ARNT2: variants seen among roughly 807,000 people sequenced by gnomAD.
The protein encoded by ARNT2 is aryl hydrocarbon receptor nuclear translocator 2.
In ARNT2, 36 loss-of-function variants were observed where a neutral mutation model predicts 91.7. That is an observed-to-expected ratio of 0.39 (90% CI 0.30 to 0.52). ARNT2 has a LOEUF of 0.52. Ranked by LOEUF, ARNT2 falls within the 20% of genes least tolerant of loss-of-function variation. The probability of loss-of-function intolerance (pLI) is 0.72; values close to 1 mark genes in which losing one functional copy is unlikely to be tolerated. For missense variants in ARNT2, 775 were observed against 939.3 expected (o/e 0.83, Z 2.29); for synonymous variants, 365 against 347.1 (o/e 1.05, Z -0.57).
intron 8 of ARNT2, among the ~76,000 whole-genome samples, chr15:80,529,722 C>T (rs1897704744): frequency 6.6e-6 from 1 of 152,138 alleles, no homozygotes; most frequent in African/African-American, 2.4e-5. Context: ...CAGTTGCTCT[C>T]TTCACTTTAG....
At chr15:80,555,283 A>C (rs1898159877) in intron 11 of ARNT2, 144 bp downstream of exon 11, 6 of 738,116 alleles carry the variant, frequency 8.1e-6, no homozygotes, top group Non-Finnish European at 1.4e-5. Flanking sequence ...CTAGGAAGTC[A>C]CTCACAGTCT....
chr15:80,433,983 A>T (rs8034763), intron 1 of ARNT2: 17,228 of 152,256 alleles, frequency 0.11, 1,093 homozygotes, highest in Middle Eastern at 0.17. Context: ...ATGAGGCAGG[A>T]CCCTCTCTGG....
chr15:80,484,989 A>G (rs1406153848), intron 5 of ARNT2, among the ~76,000 whole-genome samples: 1 of 152,228 alleles, frequency 6.6e-6, no homozygotes. Context: ...CGCATCTCCT[A>G]CAAAACTGCT....
intron 5 of ARNT2, among the ~76,000 whole-genome samples, chr15:80,489,512 G>A (rs1413977834): frequency 6.6e-6 from 1 of 152,198 alleles, no homozygotes; most frequent in Non-Finnish European, 1.5e-5. Context: ...ACCTTGAGCT[G>A]AGCGCACACG....
chr15:80,493,883 G>A (rs1897089401), intron 5 of ARNT2, among the ~76,000 whole-genome samples: 1 of 152,158 alleles, frequency 6.6e-6, no homozygotes, highest in African/African-American at 2.4e-5. Context: ...AAATGAGTAA[G>A]TTCTCACTCT....
chr15:80,452,211 G>A (rs1425638507), intron 2 of ARNT2, among the ~76,000 whole-genome samples: 1 of 152,016 alleles, frequency 6.6e-6, no homozygotes, highest in Non-Finnish European at 1.5e-5. Context: ...TGAGGGAGAG[G>A]GTTAAAAAGC....
At chr15:80,541,601 A>T (rs959934891) in intron 8 of ARNT2, among the ~76,000 whole-genome samples, 1 of 152,182 alleles carries the variant, frequency 6.6e-6, no homozygotes, top group African/African-American at 2.4e-5. Flanking sequence ...ATTTTCTTCT[A>T]GGTCTTACAT....
intron 1 of ARNT2, among the ~76,000 whole-genome samples, chr15:80,419,450 G>C (rs1481562373): frequency 6.6e-6 from 1 of 152,220 alleles, no homozygotes; most frequent in Non-Finnish European, 1.5e-5. Context: ...ACACGGATTT[G>C]CCTGATCCCA....
intron 5 of ARNT2, among the ~76,000 whole-genome samples, chr15:80,499,425 A>G (rs958292638): frequency 2.0e-5 from 3 of 152,232 alleles, no homozygotes; most frequent in Non-Finnish European, 4.4e-5. Context: ...GCCACAGAAC[A>G]TTGTATTAGC....
chr15:80,516,340 T>G lies in ARNT2; in HGVS notation c.877+1935T>G, dbSNP rs115275674. ...TTTTCCTGTTTCTCCTTGTAGGTCT[T>G]TTTTTGCGTCACGTATTTTGATGCT... is the stretch of plus-strand genomic sequence containing the variant. On this transcript the variant is annotated intron_variant, in intron 8 of 18. Coordinates refer to ENST00000303329, the MANE Select transcript of ARNT2 (RefSeq NM_014862.4). Among the ~76,000 whole-genome samples the G allele has an allele frequency of 3.7e-3, 567 of 152,296 alleles. 9 individuals are homozygous for G. Among genetic ancestry groups the G allele is most frequent in the African/African-American group, 0.013 (531 of 41,562 alleles).
intron 5 of ARNT2, among the ~76,000 whole-genome samples, chr15:80,500,220 T>TCAAC (rs1448985614): frequency 6.6e-6 from 1 of 152,084 alleles, no homozygotes; most frequent in East Asian, 1.9e-4. Flanking sequence ...ATAACTGGGG[T>TCAAC]CAACCTTTTG....
intron 1 of ARNT2, among the ~76,000 whole-genome samples, chr15:80,416,193 G>C (rs1895783079): frequency 6.6e-6 from 1 of 152,198 alleles, no homozygotes; most frequent in Admixed American, 6.5e-5. Flanking sequence ...CTTATTTCAA[G>C]TTTACAGACA....
chr15:80,585,355 G>A (rs996625860), intron 17 of ARNT2, among the ~76,000 whole-genome samples: 1 of 152,200 alleles, frequency 6.6e-6, no homozygotes, highest in Non-Finnish European at 1.5e-5. Context: ...CCAGTCAGGA[G>A]ACAGAAACCA....
chr15:80,514,876 A>AC (rs1566991173), intron 8 of ARNT2, among the ~76,000 whole-genome samples: 1 of 152,156 alleles, frequency 6.6e-6, no homozygotes, highest in East Asian at 1.9e-4. Context: ...ACACAGCAAG[A>AC]CCCCATCTCA....
chr15:80,405,815 G>A (rs1895592031), intron 1 of ARNT2, among the ~76,000 whole-genome samples: 1 of 151,842 alleles, frequency 6.6e-6, no homozygotes, highest in African/African-American at 2.4e-5. Flanking sequence ...TGAGGAGTAT[G>A]GACTTTCTCT....
intron 8 of ARNT2, among the ~76,000 whole-genome samples, chr15:80,543,326 T>A (rs1013573773): frequency 6.6e-5 from 10 of 152,138 alleles, no homozygotes; most frequent in Admixed American, 6.5e-4. Flanking sequence ...AGAGATTAGA[T>A]CACTCTAACA....
chr15:80,548,387 G>T (rs74027837), intron 8 of ARNT2, among the ~76,000 whole-genome samples: 1,797 of 152,188 alleles, frequency 0.012, 38 homozygotes, highest in African/African-American at 0.042. Flanking sequence ...AGGCAATAAT[G>T]CCCACTATCT....
chr15:80,412,406 AT>A (rs1895695776), intron 1 of ARNT2, among the ~76,000 whole-genome samples: 1 of 152,230 alleles, frequency 6.6e-6, no homozygotes, highest in Non-Finnish European at 1.5e-5. Context: ...ATTGTAAAAA[AT>A]TTGGAAAATG....
chr15:80,433,186 G>A lies in ARNT2; in HGVS notation c.32-17694G>A, dbSNP rs918616696. On this transcript the variant is annotated intron_variant, in intron 1 of 18. Coordinates refer to ENST00000303329, the MANE Select transcript of ARNT2 (RefSeq NM_014862.4). ...TTAATCAATTTGTTGTGTAAACAGC[G>A]GGTATGCCCACATTTTTTTTCCTTT... is the stretch of plus-strand genomic sequence containing the variant. Among the ~76,000 whole-genome samples the A allele has an allele frequency of 1.3e-4, 15 of 112,894 alleles. No individual in the cohort carries two copies. In the South Asian group the frequency reaches 1.5e-3, roughly 11 times the overall value. The allele number at this position is 112,894 out of a possible 152,430, so 74.1% of individuals were successfully genotyped here.
Sources: gnomAD v4.1 joint callset for allele counts (sites outside exome capture counted in the v4.1 genomes callset) on GRCh38, gnomAD v4.1.1 for gene constraint, MANE v1.5 for transcripts, NCBI Gene and HGNC (gene_info 2026-07-23, HGNC 2026-07-21) for gene names.